The following CHTF18 variants were observed in gnomAD, a reference collection of about 807,000 sequenced individuals.
CHTF18 encodes chromosome transmission fidelity factor 18, also known as chromosome transmission fidelity protein 18 homolog.
Under a neutral mutation model 113.4 loss-of-function variants are expected in CHTF18, and 151 were observed. The observed-to-expected ratio is 1.33, with a 90% CI of 1.17 to 1.52. The LOEUF (loss-of-function observed/expected upper bound fraction) is 1.52. Among genes scored for constraint, CHTF18 ranks in the 40% most tolerant of loss-of-function variants. The pLI is 0.00. For synonymous variants in CHTF18, 916 were observed against 598.8 expected, an observed-to-expected ratio of 1.53 and a Z score of -7.74; for missense variants, 1,982 against 1,381.6, an observed-to-expected ratio of 1.43 and a Z score of -6.89.
chr16:792,444 C>T lies in CHTF18; in HGVS notation c.1332C>T (p.Ala444=). 6.4e-7 allele frequency: 1 copy of T among 1,563,654 alleles called. No individual in the cohort carries two copies. The highest frequency in any genetic ancestry group is 1.9e-5 in the Admixed American group (1 of 51,938). Residue 444 remains alanine, a synonymous_variant, in exon 11 of 22, where the codon GCC becomes GCT. Coordinates refer to ENST00000262315, the MANE Select transcript of CHTF18 (RefSeq NM_022092.3). ...IDEIDGAPVA[A]INVLLSILNR... Reference sequence around the variant, plus strand: ...GTCCTCTGACCTCCCCCAAGGCCGCCATCAACGTCCTCCTGAGCATCCTGA... The same window carrying T: ...GTCCTCTGACCTCCCCCAAGGCCGCTATCAACGTCCTCCTGAGCATCCTGA...
chr16:792,635 C>T (rs2042231259), intron 11 of CHTF18, 45 bp downstream of exon 11: 4 of 1,591,678 alleles, frequency 2.5e-6, no homozygotes, highest in East Asian at 4.5e-5. Context: ...GCTCTGGTGC[C>T]TGGAGGGAGG....
In CHTF18 at chr16:793,115, C is replaced by A. The variant is rs112901787; in HGVS notation, c.1672-29C>A. On this transcript the variant is annotated intron_variant, in intron 13 of 21. Coordinates refer to ENST00000262315, the MANE Select transcript of CHTF18 (RefSeq NM_022092.3). Reference sequence around the variant, plus strand: ...GGGTGGGGTGGGGTCAGGAGTTGGCCGCTTCTCATGCCCCCGCCCTATGTC... The same window carrying A: ...GGGTGGGGTGGGGTCAGGAGTTGGCAGCTTCTCATGCCCCCGCCCTATGTC... 122 of 1,575,930 alleles carry A rather than the reference C, an allele frequency of 7.7e-5. 2 individuals carry two copies. In the South Asian group the frequency reaches 1.2e-3, roughly 15 times the overall value.
rs760234336 is a variant in CHTF18 at position 795,159 on chromosome 16, C to T, written c.1978C>T (p.Arg660Trp). 2.6e-5 allele frequency: 41 copies of T among 1,553,528 alleles called. No homozygotes were observed. The highest frequency in any genetic ancestry group is 1.5e-4 in the Admixed American group (8 of 52,004). Residue 660 changes from arginine (R) to tryptophan (W), a missense_variant, in exon 16 of 22, where the codon CGG becomes TGG. Coordinates refer to ENST00000262315, the MANE Select transcript of CHTF18 (RefSeq NM_022092.3). ...QGLFDNFLRL[R>W]LRDSSLGAVC... ...CTTGTTTGACAACTTCCTGCGTCTG[C>T]GGCTGCGAGACTCCAGCCTGGGTGC... is the stretch of plus-strand genomic sequence containing the variant.
intron 16 of CHTF18, 70 bp downstream of exon 16, chr16:795,426 C>G (rs1225180874): frequency 3.5e-6 from 4 of 1,159,390 alleles, no homozygotes; most frequent in African/African-American, 1.8e-5. Flanking sequence ...CGTGTGGCTG[C>G]CCCCGGCCCC....
In CHTF18 at chr16:792,328, A is replaced by G. The variant is rs993103314; in HGVS notation, c.1307A>G (p.Glu436Gly). The G allele has an allele frequency of 6.4e-7, 1 of 1,553,056 alleles. No individual in the cohort carries two copies. Among genetic ancestry groups the G allele is most frequent in the Non-Finnish European group, 8.7e-7 (1 of 1,148,706 alleles). ...GGKPNCLVID[E>G]IDGAPVAAIN... ...AAGCCCAACTGCCTGGTCATCGATGAGATCGACGGGGCCCCCGTGGTGGGC... is the reference window on the plus strand; with the variant it reads ...AAGCCCAACTGCCTGGTCATCGATGGGATCGACGGGGCCCCCGTGGTGGGC... Residue 436 changes from glutamate to glycine, a missense_variant, in exon 10 of 22, where the codon GAG (glutamate) becomes GGG (glycine). Transcript: ENST00000262315.
chr16:790,517 C>G lies in CHTF18; in HGVS notation c.753-8C>G. On this transcript the variant is annotated splice_region_variant and splice_polypyrimidine_tract_variant and intron_variant, in intron 6 of 21. Coordinates refer to ENST00000262315, the MANE Select transcript of CHTF18 (RefSeq NM_022092.3). Reference sequence around the variant, plus strand: ...GTTGTTTGTGGCTCAGGACGTGGTCCTCTCCAGTCTCAGGTCGGGGGAGGA... The same window carrying G: ...GTTGTTTGTGGCTCAGGACGTGGTCGTCTCCAGTCTCAGGTCGGGGGAGGA... The G allele has an allele frequency of 1.2e-6, 2 of 1,602,634 alleles. No individual in the cohort carries two copies. The highest frequency in any genetic ancestry group is 1.7e-6 in the Non-Finnish European group (2 of 1,175,510).
chr16:791,115 G>T (rs769724607), intron 7 of CHTF18, 46 bp from the exon 8 acceptor site: 1 of 1,569,570 alleles, frequency 6.4e-7, no homozygotes, highest in Non-Finnish European at 8.6e-7. Context: ...TCCGTGCCTG[G>T]AGGCGGTGCC....
At chr16:796,633 G>T (rs1449140065) in intron 18 of CHTF18, 84 bp from the exon 19 acceptor site, 5 of 1,426,196 alleles carry the variant, frequency 3.5e-6, no homozygotes, top group Non-Finnish European at 4.6e-6. Flanking sequence ...TGGCTTTTGG[G>T]GTTTGCGGTT....
chr16:798,051 A>G lies in CHTF18; in HGVS notation c.*76A>G. 6.5e-7 allele frequency: 1 copy of G among 1,528,574 alleles called. No homozygotes were observed. The highest frequency in any genetic ancestry group is 8.8e-7 in the Non-Finnish European group (1 of 1,132,990). The allele number at this position is 1,528,574 out of a possible 1,614,324, so 94.7% of individuals were successfully genotyped here. On this transcript the variant is annotated 3_prime_UTR_variant, in exon 22 of 22. Coordinates refer to ENST00000262315, the MANE Select transcript of CHTF18 (RefSeq NM_022092.3). ...ACAGGAAGCTGGAGATGTCTTTATA[A>G]AGTCACACCTTTACAGACTGTAATC...
Position 794,079 on chromosome 16 carries a change from C to T in CHTF18, c.1828C>T (p.Leu610=). 1 of 1,612,112 alleles carries T rather than the reference C, an allele frequency of 6.2e-7. No individual in the cohort carries two copies. Among genetic ancestry groups the T allele is most frequent in the African/African-American group, 1.3e-5 (1 of 75,050 alleles). ...GCGCCGTGTGGGCCAGGACCCCGCC[C>T]TGCCTGCTGACACACTCCTGCTGGG... is the stretch of plus-strand genomic sequence containing the variant. The part of the protein sequence containing the change: ...QRRRVGQDPA[L]PADTLLLGDG... Residue 610 remains leucine, a synonymous_variant, in exon 15 of 22, where the codon CTG becomes TTG. Transcript: ENST00000262315.
chr16:794,607 C>T (rs578177835), intron 15 of CHTF18: 6 of 249,290 alleles, frequency 2.4e-5, no homozygotes, highest in South Asian at 7.3e-5. Flanking sequence ...GGAGTCCCCG[C>T]CTAAGCTGTC....
rs200611878 is a variant in CHTF18, at chr16:797,871, C to G, written c.2824C>G (p.Arg942Gly). 6.2e-7 allele frequency: 1 copy of G among 1,608,598 alleles called. No homozygotes were observed. The highest frequency in any genetic ancestry group is 8.5e-7 in the Non-Finnish European group (1 of 1,178,182). Residue 942 changes from arginine to glycine, a missense_variant, in exon 22 of 22, where the codon CGG becomes GGG. Coordinates refer to ENST00000262315, the MANE Select transcript of CHTF18 (RefSeq NM_022092.3). Reference sequence around the variant, plus strand: ...GGCCCCGGAGCAGGACTCAGTGGAGCGGCGCATGGGCACAGCGGTGGGCAG... The same window carrying G: ...GGCCCCGGAGCAGGACTCAGTGGAGGGGCGCATGGGCACAGCGGTGGGCAG... ...DTAPEQDSVE[R>G]RMGTAVGRSE...
intron 20 of CHTF18, 105 bp downstream of exon 20, chr16:797,197 G>C (rs1181997253): frequency 7.4e-7 from 1 of 1,356,964 alleles, no homozygotes; most frequent in East Asian, 2.5e-5. Flanking sequence ...GTGGGGCCAG[G>C]GTACCTTTGT....
rs375203153 is a variant in CHTF18 at position 791,307 on chromosome 16, C to T, written c.1041C>T (p.His347=). ...CAGCCCCAGGCAAGTGGAAGAGCCA[C>T]GAACAGGTGCTGGAGGAGATGCTGG... ...EATAPGKWKS[H]EQVLEEMLEA... Residue 347 remains histidine (H), a synonymous_variant, in exon 8 of 22, where the codon CAC becomes CAT. Coordinates refer to ENST00000262315, the MANE Select transcript of CHTF18 (RefSeq NM_022092.3). 148 of 1,610,360 alleles carry T rather than the reference C, an allele frequency of 9.2e-5. No individual in the cohort carries two copies. The highest frequency in any genetic ancestry group is 4.6e-4 in the South Asian group (42 of 90,870).
intron 8 of CHTF18, 181 bp from the exon 9 acceptor site, chr16:791,670 G>A (rs1180101410): frequency 2.6e-5 from 37 of 1,428,110 alleles, no homozygotes; most frequent in Non-Finnish European, 3.3e-5. Flanking sequence ...GCTTTGTGTA[G>A]GTTTTTTTTT....
chr16:795,752 C>A lies in CHTF18; in HGVS notation c.2243C>A (p.Thr748Lys). 6.2e-7 allele frequency: 1 copy of A among 1,609,000 alleles called. No homozygotes were observed. The highest frequency in any genetic ancestry group is 8.5e-7 in the Non-Finnish European group (1 of 1,178,738). The change falls in exon 17 of 22, where the codon ACG (threonine) becomes AAG (lysine). Residue 748 changes from threonine (T) to lysine (K), a missense_variant. By Grantham distance (78) the Thr-to-Lys change is moderately conservative (BLOSUM62 -1). Coordinates refer to ENST00000262315, the MANE Select transcript of CHTF18 (RefSeq NM_022092.3). ...QTLVSGIAPA[T>K]RSRATPQALL... ...CTGGTGTCCGGCATCGCGCCAGCCACGCGCAGCCGGGCCACGCCCCAGGCC... is the reference window on the plus strand; with the variant it reads ...CTGGTGTCCGGCATCGCGCCAGCCAAGCGCAGCCGGGCCACGCCCCAGGCC...
At position 789,097 on chromosome 16, in the gene CHTF18, C is replaced by A; in HGVS notation, c.258C>A (p.Asp86Glu). The A allele has an allele frequency of 1.3e-6, 2 of 1,532,174 alleles. No individual in the cohort carries two copies. The highest frequency in any genetic ancestry group is 1.8e-6 in the Non-Finnish European group (2 of 1,137,780). 94.9% of individuals were successfully genotyped at this position (1,532,174 alleles called of 1,614,324 possible). A position where few individuals can be genotyped will look rare whatever the true frequency, so the allele number is the denominator to read the frequency against. ...GGARKRQVDA[D>E]LQPAGSLPHA... Reference sequence around the variant, plus strand: ...CCAGGAAGAGGCAGGTGGACGCCGACCTGCAGCCGGCCGGGTCCCTGCCCC... The same window carrying A: ...CCAGGAAGAGGCAGGTGGACGCCGAACTGCAGCCGGCCGGGTCCCTGCCCC... Residue 86 changes from aspartate (D) to glutamate (E), a missense_variant, in exon 2 of 22, where the codon GAC becomes GAA. Transcript: ENST00000262315.
At chr16:794,976 C>T (rs977255300) in intron 15 of CHTF18, 156 bp from the exon 16 acceptor site, 59 of 627,246 alleles carry the variant, frequency 9.4e-5, no homozygotes, top group African/African-American at 3.7e-4. Flanking sequence ...CTGCCTCAGA[C>T]GCCCAGCGTC....
chr16:791,971 C>T (rs371033598), intron 9 of CHTF18, 23 bp downstream of exon 9: 250 of 1,591,270 alleles, frequency 1.6e-4, no homozygotes, highest in Admixed American at 3.0e-4. Context: ...AGGTCCGTCT[C>T]TGGCTCGCCT....
Sources: gnomAD v4.1 joint callset for allele counts on GRCh38, gnomAD v4.1.1 for gene constraint, MANE v1.5 for transcripts, NCBI Gene and HGNC (gene_info 2026-07-23, HGNC 2026-07-21) for gene names.